The following ADAM12 variants were observed in gnomAD, a reference collection of about 807,000 sequenced individuals.
The protein encoded by ADAM12 is disintegrin and metalloproteinase domain-containing protein 12.
A neutral mutation model predicts 106.4 loss-of-function variants in ADAM12; 70 were observed. The ratio of observed to expected loss-of-function variants is 0.66; its 90% confidence interval spans 0.54 to 0.80. The LOEUF is 0.80. Ranked by LOEUF, ADAM12 falls within the 30% of genes least tolerant of loss-of-function variation. The probability of loss-of-function intolerance (pLI) is 0.00; values close to 1 mark genes in which losing one functional copy is unlikely to be tolerated. For missense variants in ADAM12, 1,010 were observed against 1,171.9 expected (o/e 0.86, Z 2.02); for synonymous variants, 420 against 433.5 (o/e 0.97, Z 0.39).
intron 2 of ADAM12, among the ~76,000 whole-genome samples, chr10:126,284,422 T>C (rs1326474244): frequency 6.6e-6 from 1 of 151,102 alleles, no homozygotes; most frequent in Non-Finnish European, 1.5e-5. Flanking sequence ...TAATACCATG[T>C]GTCTCATTGT....
intron 11 of ADAM12, among the ~76,000 whole-genome samples, chr10:126,082,071 GT>G (rs1220967585): frequency 6.6e-6 from 1 of 152,170 alleles, no homozygotes; most frequent in East Asian, 1.9e-4. Flanking sequence ...GGAAGGGCCA[GT>G]TTTTCTTTAG....
Position 126,120,486 on chromosome 10 carries a change from C to CG in ADAM12, c.417-2263dup, listed in dbSNP as rs1565073112. ...TCTGTTGGGCCTGCAGAACAGACAA[C>CG]GGTTTATGACAAAAGTCTGTCTGGA... On this transcript the variant is annotated intron_variant, in intron 5 of 22. Transcript: ENST00000448723. 2.0e-5 allele frequency among the ~76,000 whole-genome samples: 3 copies of CG among 152,186 alleles called. No homozygotes were observed. In the East Asian group the frequency reaches 5.8e-4, roughly 29 times the overall value.
At chr10:126,219,092 C>T (rs1457429915) in intron 3 of ADAM12, among the ~76,000 whole-genome samples, 1 of 152,206 alleles carries the variant, frequency 6.6e-6, no homozygotes, top group Non-Finnish European at 1.5e-5. Flanking sequence ...TGGAGAACTT[C>T]ACAGGTCCCA....
At chr10:126,256,966 A>G (rs1237295194) in intron 3 of ADAM12, among the ~76,000 whole-genome samples, 1 of 152,094 alleles carries the variant, frequency 6.6e-6, no homozygotes, top group East Asian at 1.9e-4. Flanking sequence ...GTGGTTTTGC[A>G]GCTTTTCATA....
At chr10:126,153,835 A>C (rs1355658165) in intron 4 of ADAM12, among the ~76,000 whole-genome samples, 1 of 152,186 alleles carries the variant, frequency 6.6e-6, no homozygotes, top group Non-Finnish European at 1.5e-5. Context: ...TTTTGAGGTC[A>C]ATATCTTGAC....
At chr10:126,108,360 G>T (rs1317615222) in intron 8 of ADAM12, among the ~76,000 whole-genome samples, 4 of 152,174 alleles carry the variant, frequency 2.6e-5, no homozygotes, top group Admixed American at 6.5e-5. Context: ...GACCGGAAGA[G>T]AGCCTGGAGG....
rs565084274 is a variant in ADAM12, at chr10:126,191,607, G to T, written c.261-36302C>A. 4.1e-4 allele frequency among the ~76,000 whole-genome samples: 63 copies of T among 152,000 alleles called. No homozygotes were observed. The Middle Eastern group carries it at 0.014, about 33-fold the overall frequency. On this transcript the variant is annotated intron_variant, in intron 3 of 22. Coordinates refer to ENST00000448723, the MANE Select transcript of ADAM12 (RefSeq NM_001288973.2). Reference sequence around the variant, plus strand: ...TTTGAGTGATGGAGAAGACTAAGGTGGGGGGAATAGGGGACAGGATTAGGA... The same window carrying T: ...TTTGAGTGATGGAGAAGACTAAGGTTGGGGGAATAGGGGACAGGATTAGGA...
At chr10:126,129,179 C>T (rs1956261115) in intron 5 of ADAM12, among the ~76,000 whole-genome samples, 4 of 152,240 alleles carry the variant, frequency 2.6e-5, no homozygotes, top group South Asian at 2.1e-4. Flanking sequence ...GTGATGAAGA[C>T]TTGGGGCTCA....
intron 5 of ADAM12, among the ~76,000 whole-genome samples, chr10:126,121,038 C>T (rs1227873175): frequency 9.5e-6 from 1 of 105,082 alleles, no homozygotes; most frequent in Non-Finnish European, 1.7e-5. Flanking sequence ...ATTATATATG[C>T]AATATAATAT....
chr10:126,138,642 C>T (rs1465336049), intron 4 of ADAM12, among the ~76,000 whole-genome samples: 2 of 152,192 alleles, frequency 1.3e-5, no homozygotes, highest in African/African-American at 2.4e-5. Flanking sequence ...TCCCAAAGTG[C>T]TGGGATTACA....
intron 1 of ADAM12, among the ~76,000 whole-genome samples, chr10:126,386,854 G>C (rs1856678734): frequency 6.6e-6 from 1 of 152,174 alleles, no homozygotes; most frequent in South Asian, 2.1e-4. Flanking sequence ...TTCACTACAG[G>C]TCGTAGAGTT....
chr10:126,109,411 A>T (rs1955829281), intron 7 of ADAM12, among the ~76,000 whole-genome samples: 1 of 152,184 alleles, frequency 6.6e-6, no homozygotes, highest in African/African-American at 2.4e-5. Context: ...CATTTTGATT[A>T]ATGACATATG....
Position 126,241,092 on chromosome 10 carries a change from C to T in ADAM12, c.260+37823G>A, listed in dbSNP as rs188609255. On this transcript the variant is annotated intron_variant, in intron 3 of 22. Coordinates refer to ENST00000448723, the MANE Select transcript of ADAM12 (RefSeq NM_001288973.2). ...AAACAACATGGATGAACCTGAAAAC[C>T]TCATGCTAAGTGAAAGGAGCTGACA... 2.0e-3 allele frequency among the ~76,000 whole-genome samples: 312 copies of T among 152,266 alleles called. 2 individuals carry two copies. Among genetic ancestry groups the T allele is most frequent in the African/African-American group, 7.3e-3 (304 of 41,546 alleles).
chr10:126,042,582 A>G (rs187908659), intron 18 of ADAM12, among the ~76,000 whole-genome samples: 88 of 152,338 alleles, frequency 5.8e-4, no homozygotes, highest in African/African-American at 2.1e-3. Context: ...TTCCATATGC[A>G]AAAGCTGTTG....
chr10:126,327,876 G>C lies in ADAM12; in HGVS notation c.186+2536C>G, dbSNP rs7092932. Among the ~76,000 whole-genome samples the C allele has an allele frequency of 1.9e-3, 289 of 152,222 alleles. 1 individual carries two copies. The highest frequency in any genetic ancestry group is 6.6e-3 in the African/African-American group (273 of 41,536). ...TACTTCCACAGTGAGTTCACACATG[G>C]GAGGAGCCCTGTGGGAAATCTTGGC... is the stretch of plus-strand genomic sequence containing the variant. On this transcript the variant is annotated intron_variant, in intron 2 of 22. Transcript: ENST00000448723.
At chr10:126,095,964 T>C (rs182064775) in intron 10 of ADAM12, among the ~76,000 whole-genome samples, 88 of 152,380 alleles carry the variant, frequency 5.8e-4, no homozygotes, top group Middle Eastern at 3.4e-3. Context: ...TGTGCTCATG[T>C]AAGATCTTAC....
At chr10:126,371,070 C>T (rs1196442263) in intron 1 of ADAM12, among the ~76,000 whole-genome samples, 1 of 152,214 alleles carries the variant, frequency 6.6e-6, no homozygotes, top group Non-Finnish European at 1.5e-5. Context: ...AATTCATGTG[C>T]ATAATCTCAG....
intron 13 of ADAM12, among the ~76,000 whole-genome samples, chr10:126,065,652 G>A (rs936256333): frequency 6.6e-6 from 1 of 152,142 alleles, no homozygotes. Context: ...GGAACCCTGC[G>A]AGTCCTGGGC....
At chr10:126,109,896 T>TTGACA (rs1393300371) in intron 6 of ADAM12, 56 bp from the exon 7 acceptor site, 14 of 1,517,502 alleles carry the variant, frequency 9.2e-6, no homozygotes, top group Non-Finnish European at 1.2e-5. Flanking sequence ...GCATTAAGAC[T>TTGACA]GTCAATGTCT....
Sources: gnomAD v4.1 joint callset for allele counts (sites outside exome capture counted in the v4.1 genomes callset) on GRCh38, gnomAD v4.1.1 for gene constraint, MANE v1.5 for transcripts, NCBI Gene and HGNC (gene_info 2026-07-23, HGNC 2026-07-21) for gene names.